Variants in LOC128092252 observed in about 807,000 individuals in gnomAD.
the LOC128092252 span, among the ~76,000 whole-genome samples, chr15:50,678,506 T>TAA: frequency 4.9e-4 from 63 of 128,716 alleles, no homozygotes; most frequent in African/African-American, 1.9e-3. Flanking sequence ...TTCCATTCTT[T>TAA]AAAAAAAAAA....
the LOC128092252 span, among the ~76,000 whole-genome samples, chr15:50,671,136 CAGA>C: frequency 4.6e-5 from 7 of 152,238 alleles, no homozygotes; most frequent in South Asian, 2.1e-4. Flanking sequence ...CCATGTTGTA[CAGA>C]AGATTTCTTG....
chr15:50,664,359 T>C, the LOC128092252 span, among the ~76,000 whole-genome samples: 1 of 147,970 alleles, frequency 6.8e-6, no homozygotes, highest in African/African-American at 2.5e-5. Context: ...AAAACCCAGC[T>C]ACATTCCATT....
At chr15:50,677,294 CCT>C in the LOC128092252 span, among the ~76,000 whole-genome samples, 2 of 152,034 alleles carry the variant, frequency 1.3e-5, no homozygotes, top group South Asian at 2.1e-4. Flanking sequence ...CTCATCTACC[CCT>C]GATTACCTCC....
At chr15:50,662,524 T>C in the LOC128092252 span, among the ~76,000 whole-genome samples, 1 of 152,206 alleles carries the variant, frequency 6.6e-6, no homozygotes, top group Admixed American at 6.5e-5. Flanking sequence ...TCTGTATCTA[T>C]ATATTGGCAA....
chr15:50,668,974 G>T, the LOC128092252 span, among the ~76,000 whole-genome samples: 6 of 152,290 alleles, frequency 3.9e-5, no homozygotes, highest in East Asian at 1.2e-3. Flanking sequence ...GGGAAAACTG[G>T]CCTCATATCT....
the LOC128092252 span, among the ~76,000 whole-genome samples, chr15:50,667,260 G>A: frequency 3.9e-5 from 6 of 152,214 alleles, no homozygotes; most frequent in Admixed American, 2.0e-4. Flanking sequence ...CGCTTTCCTC[G>A]CCCTGTTCCT....
chr15:50,661,128 T>C, the LOC128092252 span, among the ~76,000 whole-genome samples: 506 of 152,058 alleles, frequency 3.3e-3, 12 homozygotes, highest in East Asian at 7.8e-4. Flanking sequence ...AGGTGCCCAC[T>C]ACCACGTCTG....
At chr15:50,682,894 C>T in the LOC128092252 span, among the ~76,000 whole-genome samples, 5 of 149,138 alleles carry the variant, frequency 3.4e-5, 1 homozygote, top group Non-Finnish European at 7.4e-5. Flanking sequence ...CTTCCCGGTA[C>T]CAAACTTTTT....
At chr15:50,666,199 CAAG>C in the LOC128092252 span, among the ~76,000 whole-genome samples, 1,201 of 152,072 alleles carry the variant, frequency 7.9e-3, 20 homozygotes, top group African/African-American at 0.028. Context: ...CAAGACTGAA[CAAG>C]AAGCCAGGCA....
the LOC128092252 span, chr15:50,686,651 A>G: frequency 4.2e-6 from 6 of 1,424,522 alleles, 1 homozygote; most frequent in Admixed American, 7.2e-5. Flanking sequence ...CGGACAAGGA[A>G]CGCCCAGGGA....
chr15:50,650,339 T>A, the LOC128092252 span, among the ~76,000 whole-genome samples: 1 of 151,152 alleles, frequency 6.6e-6, no homozygotes, highest in Non-Finnish European at 1.5e-5. Context: ...AGAGATCTCA[T>A]AACACACAAG....
the LOC128092252 span, among the ~76,000 whole-genome samples, chr15:50,684,177 G>C: frequency 1.3e-5 from 2 of 148,224 alleles, no homozygotes; most frequent in East Asian, 4.1e-4. Flanking sequence ...TTCTGAGACA[G>C]AGTCTCACTC....
At chr15:50,666,660 G>A in the LOC128092252 span, among the ~76,000 whole-genome samples, 8 of 152,070 alleles carry the variant, frequency 5.3e-5, no homozygotes, top group African/African-American at 1.9e-4. Context: ...AAATTAGCCA[G>A]GCATGGTGGT....
At chr15:50,657,927 T>A in the LOC128092252 span, 1 of 764,868 alleles carries the variant, frequency 1.3e-6, no homozygotes, top group Non-Finnish European at 2.1e-6. Flanking sequence ...ATACCTAGTT[T>A]AATTTTTCAG....
chr15:50,652,554 C>G, the LOC128092252 span, among the ~76,000 whole-genome samples: 1 of 150,666 alleles, frequency 6.6e-6, no homozygotes, highest in African/African-American at 2.4e-5. Context: ...CATTAATACA[C>G]CTTTCCACAA....
At chr15:50,651,744 G>A in the LOC128092252 span, among the ~76,000 whole-genome samples, 1 of 151,938 alleles carries the variant, frequency 6.6e-6, no homozygotes, top group Admixed American at 6.6e-5. Flanking sequence ...TAAAAAATAA[G>A]CTGGGCGTCG....
the LOC128092252 span, chr15:50,686,592 C>T: frequency 3.1e-6 from 5 of 1,600,354 alleles, no homozygotes; most frequent in Non-Finnish European, 3.4e-6. Context: ...CCTCCGCGGC[C>T]TGTAGCCATC....
At chr15:50,667,690 G>A in the LOC128092252 span, among the ~76,000 whole-genome samples, 7 of 152,274 alleles carry the variant, frequency 4.6e-5, no homozygotes, top group East Asian at 1.4e-3. Flanking sequence ...CTGGGCAACA[G>A]AAGGAGACTC....
chr15:50,674,280 T>G, the LOC128092252 span, among the ~76,000 whole-genome samples: 1 of 152,146 alleles, frequency 6.6e-6, no homozygotes, highest in South Asian at 2.1e-4. Context: ...TGAGCCACCA[T>G]GCCCAGAAGC....
Sources: gnomAD v4.1 joint callset for allele counts (sites outside exome capture counted in the v4.1 genomes callset) on GRCh38, gnomAD v4.1.1 for gene constraint, MANE v1.5 for transcripts.